CBLC: variants seen among roughly 807,000 people sequenced by gnomAD.
The protein encoded by CBLC is Cbl proto-oncogene C, also known as E3 ubiquitin-protein ligase CBL-C.
Under a neutral mutation model 58.6 loss-of-function variants are expected in CBLC, and 46 were observed. The observed-to-expected ratio is 0.79, with a 90% CI of 0.62 to 1.00. The LOEUF (loss-of-function observed/expected upper bound fraction) is 1.00. Ranked by LOEUF, CBLC falls within the 50% of genes least tolerant of loss-of-function variation. The probability of loss-of-function intolerance (pLI) is 0.00; values close to 1 mark genes in which losing one functional copy is unlikely to be tolerated. For missense variants in CBLC, 655 were observed against 625.8 expected, an observed-to-expected ratio of 1.05 and a Z score of -0.50; for synonymous variants, 271 against 264.2, an observed-to-expected ratio of 1.03 and a Z score of -0.25.
At chr19:44,788,913 A>G (rs1967977254) in intron 5 of CBLC, among the ~76,000 whole-genome samples, 1 of 152,246 alleles carries the variant, frequency 6.6e-6, no homozygotes, top group African/African-American at 2.4e-5. Flanking sequence ...GCCAGGTCAC[A>G]CAGTGTGTTA....
chr19:44,778,316 G>A, intron 1 of CBLC, 32 bp downstream of exon 1: 2 of 1,400,918 alleles, frequency 1.4e-6, no homozygotes, highest in South Asian at 1.6e-5. Context: ...AAGTCCTCTG[G>A]GGTGAGGCCC....
At chr19:44,794,446 T>C (rs1968137057) in intron 9 of CBLC, among the ~76,000 whole-genome samples, 165 bp downstream of exon 9, 2 of 143,520 alleles carry the variant, frequency 1.4e-5, no homozygotes, top group African/African-American at 2.6e-5. Flanking sequence ...TCATTCCCCC[T>C]CTGGGACTTT....
At chr19:44,784,953 T>G (rs148143714) in intron 5 of CBLC, among the ~76,000 whole-genome samples, 313 of 85,210 alleles carry the variant, frequency 3.7e-3, no homozygotes, top group Non-Finnish European at 5.5e-3. Flanking sequence ...GACAGGTGTT[T>G]TTTTTTTTTT....
intron 6 of CBLC, among the ~76,000 whole-genome samples, chr19:44,790,730 C>G (rs1968025533): frequency 6.6e-6 from 1 of 152,196 alleles, no homozygotes; most frequent in Non-Finnish European, 1.5e-5. Flanking sequence ...GCCACTGTAT[C>G]TGGCCCTAAA....
Position 44,794,166 on chromosome 19 carries a change from G to A in CBLC, c.1285-38G>A, listed in dbSNP as rs1475955074. On this transcript the variant is annotated intron_variant, in intron 8 of 10. Transcript: ENST00000647358. ...ACATGGAGGCGAGAAGAAAATGGCA[G>A]CTCACAAGCCCCTTCTCCTTCCTCT... 1.9e-6 allele frequency: 3 copies of A among 1,581,354 alleles called. No individual in the cohort carries two copies. In the African/African-American group the frequency reaches 4.1e-5, roughly 22 times the overall value.
At chr19:44,800,337 G>T in intron 9 of CBLC, 44 bp from the exon 10 acceptor site, 2 of 1,338,682 alleles carry the variant, frequency 1.5e-6, no homozygotes, top group Non-Finnish European at 2.2e-6. Context: ...GGGAAAGATT[G>T]GATGCCGGGA....
intron 6 of CBLC, among the ~76,000 whole-genome samples, chr19:44,791,100 C>G (rs1197406909): frequency 6.6e-6 from 1 of 150,594 alleles, no homozygotes; most frequent in Admixed American, 6.6e-5. Flanking sequence ...GCCTGGGCAA[C>G]AGAGTGAGAC....
At chr19:44,784,957 T>TG (rs1568558669) in intron 5 of CBLC, among the ~76,000 whole-genome samples, 27 of 92,626 alleles carry the variant, frequency 2.9e-4, no homozygotes, top group African/African-American at 1.3e-3. Context: ...GGTGTTTTTT[T>TG]TTTTTTTTTT....
chr19:44,792,472 G>T lies in CBLC; in HGVS notation c.1095G>T (p.Pro365=). 2 of 1,611,076 alleles carry T rather than the reference G, an allele frequency of 1.2e-6. No individual in the cohort carries two copies. The highest frequency in any genetic ancestry group is 2.2e-5 in the South Asian group (2 of 90,900). ...GCAACAAGGATGTGAAGATTGAGCC[G>T]TGCGGGCACCTGCTCTGCAGCTGCT... ...AESNKDVKIE[P]CGHLLCSCCL... is the part of the protein sequence containing the mutation. Residue 365 remains proline (P), a synonymous_variant, in exon 7 of 11, where the codon CCG becomes CCT. Coordinates refer to ENST00000647358, the MANE Select transcript of CBLC (RefSeq NM_012116.4).
chr19:44,779,690 C>A (rs539173226), intron 1 of CBLC, among the ~76,000 whole-genome samples: 73 of 151,060 alleles, frequency 4.8e-4, no homozygotes, highest in Admixed American at 1.4e-3. Flanking sequence ...TAGCTGGGAC[C>A]ACAGGCGTGC....
intron 4 of CBLC, among the ~76,000 whole-genome samples, chr19:44,783,208 T>C (rs901110956): frequency 6.6e-6 from 1 of 152,176 alleles, no homozygotes; most frequent in East Asian, 1.9e-4. Context: ...TCATCTCTAC[T>C]AAAAATACAA....
At chr19:44,800,086 G>A (rs1226034631) in intron 9 of CBLC, among the ~76,000 whole-genome samples, 2 of 152,152 alleles carry the variant, frequency 1.3e-5, no homozygotes, top group Non-Finnish European at 2.9e-5. Flanking sequence ...GATGGTGGCC[G>A]CCACCACTGT....
At chr19:44,785,234 C>T (rs1379021924) in intron 5 of CBLC, among the ~76,000 whole-genome samples, 1 of 151,462 alleles carries the variant, frequency 6.6e-6, no homozygotes, top group African/African-American at 2.4e-5. Context: ...CTCGGCCTCC[C>T]AAAATGCTGA....
intron 9 of CBLC, among the ~76,000 whole-genome samples, chr19:44,796,968 C>T (rs1022225049): frequency 2.0e-5 from 3 of 152,090 alleles, no homozygotes; most frequent in South Asian, 2.1e-4. Context: ...TCCAACCTGC[C>T]GCCAAAAGCA....
At chr19:44,796,563 T>C (rs1413603791) in intron 9 of CBLC, among the ~76,000 whole-genome samples, 5 of 151,934 alleles carry the variant, frequency 3.3e-5, no homozygotes. Context: ...TTTGTATTTT[T>C]TAGTAGAGAT....
chr19:44,788,933 C>A (rs139645911), intron 5 of CBLC, among the ~76,000 whole-genome samples: 3 of 152,330 alleles, frequency 2.0e-5, no homozygotes, highest in Non-Finnish European at 4.4e-5. Context: ...AGTGAGAGAG[C>A]CACTGTGGGG....
At chr19:44,791,965 A>G in intron 6 of CBLC, among the ~76,000 whole-genome samples, 1 of 151,622 alleles carries the variant, frequency 6.6e-6, no homozygotes. Flanking sequence ...CACAGCGCCA[A>G]GATAGAGGAG....
At chr19:44,796,094 A>C (rs1306659942) in intron 9 of CBLC, among the ~76,000 whole-genome samples, 1 of 152,036 alleles carries the variant, frequency 6.6e-6, no homozygotes, top group Non-Finnish European at 1.5e-5. Flanking sequence ...GCACACCTGT[A>C]ATCCCAGCTA....
rs374088584 is a variant in CBLC, at chr19:44,794,199, C to CG, written c.1285-5_1285-4insG. The CG allele has an allele frequency of 1.9e-6, 3 of 1,606,762 alleles. No individual in the cohort carries two copies. The highest frequency in any genetic ancestry group is 2.7e-5 in the African/African-American group (2 of 74,252). ...GCCCCTTCTCCTTCCTCTGTCCCACCCCAGGTGCCCCTTTCGGCTCCTCCA... is the reference window on the plus strand; with the variant it reads ...GCCCCTTCTCCTTCCTCTGTCCCACCGCCAGGTGCCCCTTTCGGCTCCTCCA... On this transcript the variant is annotated splice_region_variant and splice_polypyrimidine_tract_variant and intron_variant, in intron 8 of 10. Transcript: ENST00000647358.
Sources: allele counts gnomAD v4.1 joint callset (sites outside exome capture counted in the v4.1 genomes callset), GRCh38; gene constraint gnomAD v4.1.1; transcripts MANE v1.5; gene names NCBI Gene and HGNC (gene_info 2026-07-23, HGNC 2026-07-21).